IQCJ: variants seen among roughly 807,000 people sequenced by gnomAD.
IQCJ encodes the protein IQ domain-containing protein J.
A neutral mutation model predicts 11.0 loss-of-function variants in IQCJ; 9 were observed. The ratio of observed to expected loss-of-function variants is 0.82; its 90% confidence interval spans 0.49 to 1.43. The LOEUF (loss-of-function observed/expected upper bound fraction) is 1.43. Ranked by LOEUF, IQCJ falls within the 40% of genes most tolerant of loss-of-function variation. The pLI is 0.00. For synonymous variants in IQCJ, 55 were observed against 51.3 expected, an observed-to-expected ratio of 1.07 and a Z score of -0.31; for missense variants, 146 against 133.2, an observed-to-expected ratio of 1.10 and a Z score of -0.47.
chr3:159,144,487 T>A (rs1720809635), intron 1 of IQCJ, among the ~76,000 whole-genome samples: 1 of 152,122 alleles, frequency 6.6e-6, no homozygotes. Context: ...ATAAATCCTC[T>A]AAGGTGAACA....
downstream of IQCJ, chr3:159,265,580 C>T: frequency 2.0e-6 from 1 of 502,886 alleles, no homozygotes; most frequent in East Asian, 2.9e-5. Flanking sequence ...GTTCTTTATG[C>T]CCTGCCTCTT....
At chr3:159,199,807 A>G (rs1724208490) in intron 1 of IQCJ, among the ~76,000 whole-genome samples, 1 of 151,940 alleles carries the variant, frequency 6.6e-6, no homozygotes, top group Admixed American at 6.6e-5. Context: ...GTATCTTCAA[A>G]GTAGTCCAGT....
At chr3:159,088,874 A>G (rs891435152) in intron 1 of IQCJ, among the ~76,000 whole-genome samples, 189 of 152,184 alleles carry the variant, frequency 1.2e-3, no homozygotes, top group Non-Finnish European at 2.0e-3. Flanking sequence ...TCTTTATCCA[A>G]TTTGCCAGTC....
At chr3:159,140,225 C>T (rs12633996) in intron 1 of IQCJ, among the ~76,000 whole-genome samples, 4,561 of 152,236 alleles carry the variant, frequency 0.03, 301 homozygotes, top group East Asian at 0.25. Flanking sequence ...TTTTGACAAA[C>T]GTATAATGAC....
At chr3:159,140,086 A>G (rs548841615) in intron 1 of IQCJ, among the ~76,000 whole-genome samples, 15 of 152,306 alleles carry the variant, frequency 9.8e-5, no homozygotes, top group Admixed American at 3.9e-4. Context: ...CCCCATGTGT[A>G]GCCCATTATC....
intron 1 of IQCJ, among the ~76,000 whole-genome samples, chr3:159,206,712 T>G (rs1484472547): frequency 6.6e-6 from 1 of 152,246 alleles, no homozygotes; most frequent in Admixed American, 6.5e-5. Context: ...AGCTTTTCTT[T>G]TAATTCTATG....
At chr3:159,253,123 A>G (rs1317925253) in intron 3 of IQCJ, among the ~76,000 whole-genome samples, 1 of 152,086 alleles carries the variant, frequency 6.6e-6, no homozygotes, top group Non-Finnish European at 1.5e-5. Context: ...GGTTAATTCT[A>G]TCTTTGAACA....
rs529381195 is a variant in IQCJ at position 159,234,542 on chromosome 3, G to A, written c.10-11301G>A. Among the ~76,000 whole-genome samples, 9 of 152,298 alleles carry A rather than the reference G, an allele frequency of 5.9e-5. No individual in the cohort carries two copies. The South Asian group carries it at 8.3e-4, about 14-fold the overall frequency. On this transcript the variant is annotated intron_variant, in intron 1 of 3. Coordinates refer to ENST00000397832, the MANE Select transcript of IQCJ (RefSeq NM_001042706.3). ...AGATGGGCCCGGCACGGTGATTCAT[G>A]CCTGTAATCCCAGCACTTTGGGAGG...
intron 3 of IQCJ, among the ~76,000 whole-genome samples, chr3:159,253,447 T>C (rs1263359822): frequency 6.6e-6 from 1 of 152,126 alleles, no homozygotes; most frequent in African/African-American, 2.4e-5. Flanking sequence ...CTAAAACCAT[T>C]TTAAGTAGAG....
chr3:159,102,881 A>T (rs1229617857), intron 1 of IQCJ, among the ~76,000 whole-genome samples: 1 of 152,192 alleles, frequency 6.6e-6, no homozygotes, highest in Non-Finnish European at 1.5e-5. Flanking sequence ...CAGATGAACC[A>T]GGGGTGGTAG....
intron 1 of IQCJ, among the ~76,000 whole-genome samples, chr3:159,171,752 G>A (rs1243157866): frequency 6.6e-6 from 1 of 152,196 alleles, no homozygotes. Flanking sequence ...TTTTAGACCA[G>A]TGATTCTCAG....
chr3:159,224,058 C>T (rs1409252512), intron 1 of IQCJ, among the ~76,000 whole-genome samples: 4 of 150,962 alleles, frequency 2.6e-5, no homozygotes, highest in East Asian at 3.9e-4. Context: ...ATTAAAATAT[C>T]ATTTCCCACT....
At position 159,263,209 on chromosome 3, in the gene IQCJ, A is replaced by C. The variant is rs77712978; in HGVS notation, c.*478A>C. Reference sequence around the variant, plus strand: ...AGAACATAGACCTCACCTGAAGGGCAGCGCACTTGGCTCCTGACAATGTGA... The same window carrying C: ...AGAACATAGACCTCACCTGAAGGGCCGCGCACTTGGCTCCTGACAATGTGA... On this transcript the variant is annotated 3_prime_UTR_variant, in exon 4 of 4. Coordinates refer to ENST00000397832, the MANE Select transcript of IQCJ (RefSeq NM_001042706.3). 3,098 of 405,912 alleles carry C rather than the reference A, an allele frequency of 7.6e-3. 86 individuals carry two copies. Among genetic ancestry groups the C allele is most frequent in the African/African-American group, 0.063 (2,898 of 46,202 alleles). 25.1% of individuals were successfully genotyped at this position (405,912 alleles called of 1,614,324 possible). A position where few individuals can be genotyped will look rare whatever the true frequency, so the allele number is the denominator to read the frequency against.
chr3:159,198,817 CT>C (rs1560022542), intron 1 of IQCJ, among the ~76,000 whole-genome samples: 1 of 152,166 alleles, frequency 6.6e-6, no homozygotes, highest in African/African-American at 2.4e-5. Context: ...CCAACTGCTT[CT>C]GAATTTAAGT....
intron 1 of IQCJ, among the ~76,000 whole-genome samples, chr3:159,094,327 T>C (rs1717561168): frequency 2.0e-5 from 3 of 151,364 alleles, no homozygotes; most frequent in South Asian, 4.2e-4. Context: ...TTTGATATTA[T>C]AGAAAAGGAA....
Position 159,263,062 on chromosome 3 carries a change from G to C in IQCJ, c.*331G>C. On this transcript the variant is annotated 3_prime_UTR_variant, in exon 4 of 4. Coordinates refer to ENST00000397832, the MANE Select transcript of IQCJ (RefSeq NM_001042706.3). Reference sequence around the variant, plus strand: ...AGATTGGTTATAAGGAGTAGAAAGAGAACTTTTACCAGAAGAATTGAAAGT... The same window carrying C: ...AGATTGGTTATAAGGAGTAGAAAGACAACTTTTACCAGAAGAATTGAAAGT... The C allele has an allele frequency of 1.0e-6, 1 of 1,003,880 alleles. No homozygotes were observed. Among genetic ancestry groups the C allele is most frequent in the Non-Finnish European group, 1.2e-6 (1 of 841,268 alleles). 62.2% of individuals were successfully genotyped at this position (1,003,880 alleles called of 1,614,324 possible).
At chr3:159,069,522 C>T in intron 1 of IQCJ, 81 bp downstream of exon 1, 2 of 1,543,532 alleles carry the variant, frequency 1.3e-6, no homozygotes, top group Non-Finnish European at 1.7e-6. Flanking sequence ...AATCTGTCTT[C>T]TGAATTAACA....
chr3:159,152,267 C>T (rs531459345), intron 1 of IQCJ, among the ~76,000 whole-genome samples: 6 of 152,228 alleles, frequency 3.9e-5, no homozygotes, highest in Non-Finnish European at 8.8e-5. Flanking sequence ...GTCACTGTGG[C>T]ATCAGGGGGA....
At chr3:159,149,028 GTTTA>G (rs1300555734) in intron 1 of IQCJ, among the ~76,000 whole-genome samples, 2 of 152,084 alleles carry the variant, frequency 1.3e-5, no homozygotes, top group Non-Finnish European at 2.9e-5. Flanking sequence ...GAAATATTTA[GTTTA>G]TTTAGTGGTT....
Sources: allele counts gnomAD v4.1 joint callset (sites outside exome capture counted in the v4.1 genomes callset), GRCh38; gene constraint gnomAD v4.1.1; transcripts MANE v1.5; gene names NCBI Gene and HGNC (gene_info 2026-07-23, HGNC 2026-07-21).